The following SAMD3 variants were observed in gnomAD, a reference collection of about 807,000 sequenced individuals.
SAMD3 encodes the protein sterile alpha motif domain containing 3.
In SAMD3, 63 loss-of-function variants were observed where a neutral mutation model predicts 58.5. The ratio of observed to expected loss-of-function variants is 1.08; its 90% confidence interval spans 0.88 to 1.33. The LOEUF is 1.33. Among genes scored for constraint, SAMD3 ranks in the 40% most tolerant of loss-of-function variants. The pLI, the probability that SAMD3 is intolerant of heterozygous loss-of-function variation, is 0.00. For synonymous variants in SAMD3, 220 were observed against 210.3 expected, an observed-to-expected ratio of 1.05 and a Z score of -0.40; for missense variants, 604 against 608.4, an observed-to-expected ratio of 0.99 and a Z score of 0.08.
At chr6:130,292,874 T>C (rs1775428821) in intron 2 of SAMD3, among the ~76,000 whole-genome samples, 1 of 151,960 alleles carries the variant, frequency 6.6e-6, no homozygotes, top group Non-Finnish European at 1.5e-5. Context: ...CGCCTCGGCC[T>C]CCCAAAGTGC....
intron 7 of SAMD3, among the ~76,000 whole-genome samples, chr6:130,180,381 C>T (rs538451953): frequency 1.1e-3 from 166 of 146,946 alleles, no homozygotes; most frequent in African/African-American, 3.7e-3. Context: ...GTGATCCGTC[C>T]GCCTTGGCCT....
At position 130,195,613 on chromosome 6, in the gene SAMD3, G is replaced by A. The variant is rs530256240; in HGVS notation, c.384-10990C>T. Reference sequence around the variant, plus strand: ...AACATGCTTTCTTTACTATTCCTTTGCACCCTTCATCCCAGCCTCTCTTCG... The same window carrying A: ...AACATGCTTTCTTTACTATTCCTTTACACCCTTCATCCCAGCCTCTCTTCG... On this transcript the variant is annotated intron_variant, in intron 5 of 11. Coordinates refer to ENST00000439090, the MANE Select transcript of SAMD3 (RefSeq NM_001017373.4). Among the ~76,000 whole-genome samples, 372 of 151,892 alleles carry A rather than the reference G, an allele frequency of 2.4e-3. 2 individuals are homozygous for A. Among genetic ancestry groups the A allele is most frequent in the African/African-American group, 8.5e-3 (354 of 41,404 alleles).
At chr6:130,319,384 T>C (rs1356025548) in intron 1 of SAMD3, among the ~76,000 whole-genome samples, 1 of 151,224 alleles carries the variant, frequency 6.6e-6, no homozygotes, top group East Asian at 1.9e-4. Context: ...AAAGAAAAAT[T>C]TAAAAGCCCG....
chr6:130,280,477 C>T (rs12200688), intron 2 of SAMD3, among the ~76,000 whole-genome samples: 48,273 of 151,964 alleles, frequency 0.32, 7,909 homozygotes, highest in East Asian at 0.47. Context: ...CACTCACATT[C>T]CCTCCCAAAG....
Position 130,146,124 on chromosome 6 carries a change from T to C in SAMD3, c.1081A>G (p.Ile361Val). 6.2e-7 allele frequency: 1 copy of C among 1,602,220 alleles called. No individual in the cohort carries two copies. The highest frequency in any genetic ancestry group is 8.5e-7 in the Non-Finnish European group (1 of 1,174,484). The part of the protein sequence containing the change: ...RTDIYKKTRH[I>V]LESYSENILT... ...ATATTTTCTGAATAGGATTCCAAAA[T>C]GTGCCTTGTTTTCTTATAAATATCT... Residue 361 changes from isoleucine to valine, a missense_variant, in exon 10 of 12, where the codon ATT becomes GTT. By Grantham distance (29) the Ile-to-Val change is conservative. Transcript: ENST00000439090.
intron 1 of SAMD3, among the ~76,000 whole-genome samples, chr6:130,219,477 C>T (rs1236971542): frequency 6.6e-6 from 1 of 152,206 alleles, no homozygotes; most frequent in Non-Finnish European, 1.5e-5. Context: ...TCTTTTATCT[C>T]TCACCCTTTT....
intron 1 of SAMD3, among the ~76,000 whole-genome samples, chr6:130,328,240 T>A (rs1424795658): frequency 6.6e-6 from 1 of 152,188 alleles, no homozygotes; most frequent in African/African-American, 2.4e-5. Context: ...TGATTCATAT[T>A]ACAGGACCTG....
chr6:130,291,466 T>C (rs1292850186), intron 2 of SAMD3, among the ~76,000 whole-genome samples: 1 of 152,212 alleles, frequency 6.6e-6, no homozygotes, highest in African/African-American at 2.4e-5. Flanking sequence ...GTTGACTCTG[T>C]AGTTTGATAG....
intron 1 of SAMD3, among the ~76,000 whole-genome samples, chr6:130,356,237 C>A (rs1335287794): frequency 6.6e-6 from 1 of 152,184 alleles, no homozygotes; most frequent in Non-Finnish European, 1.5e-5. Context: ...TCACCCTTTT[C>A]CTCATCTTCT....
intron 7 of SAMD3, chr6:130,183,608 G>A (rs575976256): frequency 6.1e-5 from 20 of 326,734 alleles, no homozygotes; most frequent in Admixed American, 1.3e-4. Flanking sequence ...ACTCTAAAGC[G>A]AACAGCTCAA....
rs575367578 is a variant in SAMD3, at chr6:130,362,304, G to T, written c.-304+2816C>A. Reference sequence around the variant, plus strand: ...ATCTTGCTATTCTAACAGTTCCCCCGTGATGCAAATATTGCCGAGTCTCGG... The same window carrying T: ...ATCTTGCTATTCTAACAGTTCCCCCTTGATGCAAATATTGCCGAGTCTCGG... On this transcript the variant is annotated intron_variant, in intron 1 of 13. Transcript: ENST00000368134. Among the ~76,000 whole-genome samples, 25 of 152,318 alleles carry T rather than the reference G, an allele frequency of 1.6e-4. No homozygotes were observed. In the East Asian group the frequency reaches 4.8e-3, roughly 29 times the overall value.
At chr6:130,250,903 C>G (rs563364738) in intron 2 of SAMD3, among the ~76,000 whole-genome samples, 1 of 152,246 alleles carries the variant, frequency 6.6e-6, no homozygotes, top group African/African-American at 2.4e-5. Context: ...TACAAACATG[C>G]ATGTACAAAT....
intron 1 of SAMD3, among the ~76,000 whole-genome samples, chr6:130,332,847 C>T (rs896137047): frequency 2.0e-5 from 3 of 152,226 alleles, no homozygotes; most frequent in South Asian, 2.1e-4. Context: ...CAAGCTGATA[C>T]AGCAGAAACA....
At chr6:130,302,307 G>A (rs1308044534) in intron 2 of SAMD3, among the ~76,000 whole-genome samples, 1 of 152,070 alleles carries the variant, frequency 6.6e-6, no homozygotes, top group Non-Finnish European at 1.5e-5. Context: ...TATACAAGAG[G>A]CCAACAAACA....
intron 1 of SAMD3, among the ~76,000 whole-genome samples, chr6:130,218,019 C>G (rs1233089915): frequency 6.6e-6 from 1 of 152,158 alleles, no homozygotes; most frequent in Non-Finnish European, 1.5e-5. Context: ...GAAACAATGT[C>G]TGGGCAATTC....
chr6:130,162,336 G>GGGCCGGGCGCGGTGGCTCACGC, intron 8 of SAMD3: 1 of 699,764 alleles, frequency 1.4e-6, no homozygotes, highest in South Asian at 1.5e-5. Context: ...GAATGAGTCT[G>GGGCCGGGCGCGGTGGCTCACGC]CTTTTGAAGT....
At chr6:130,184,064 A>C in intron 7 of SAMD3, 39 bp downstream of exon 7, 1 of 1,498,062 alleles carries the variant, frequency 6.7e-7, no homozygotes, top group Non-Finnish European at 9.3e-7. Flanking sequence ...ATTTTAAGAT[A>C]GTCTGAAATT....
chr6:130,329,985 T>C (rs551775715), intron 1 of SAMD3, among the ~76,000 whole-genome samples: 64 of 152,158 alleles, frequency 4.2e-4, no homozygotes, highest in African/African-American at 1.5e-3. Context: ...AAAACCTAGA[T>C]GACAGGGTGA....
chr6:130,153,947 G>GA (rs1282177911), intron 9 of SAMD3, among the ~76,000 whole-genome samples: 1 of 151,860 alleles, frequency 6.6e-6, no homozygotes, highest in Non-Finnish European at 1.5e-5. Flanking sequence ...AAAGTGCTGG[G>GA]ATTACAGGCA....
Sources: gnomAD v4.1 joint callset for allele counts (sites outside exome capture counted in the v4.1 genomes callset) on GRCh38, gnomAD v4.1.1 for gene constraint, MANE v1.5 for transcripts, NCBI Gene and HGNC (gene_info 2026-07-23, HGNC 2026-07-21) for gene names.